ASB3: variants seen among roughly 807,000 people sequenced by gnomAD.
ASB3 encodes ankyrin repeat and SOCS box protein 3.
Under a neutral mutation model 54.5 loss-of-function variants are expected in ASB3, and 41 were observed. That is an observed-to-expected ratio of 0.75 (90% CI 0.59 to 0.98). ASB3 has a LOEUF of 0.98. ASB3 is among the 50% of genes least tolerant of loss of function. The pLI, the probability that ASB3 is intolerant of heterozygous loss-of-function variation, is 0.00. For missense variants in ASB3, 733 were observed against 620.0 expected (o/e 1.18, Z -1.94); for synonymous variants, 266 against 221.2 (o/e 1.20, Z -1.80).
chr2:53,740,417 T>G (rs1429684813), intron 3 of ASB3, among the ~76,000 whole-genome samples: 1 of 151,552 alleles, frequency 6.6e-6, no homozygotes, highest in Non-Finnish European at 1.5e-5. Context: ...GACAAAGGAA[T>G]TTTTTTTTCC....
chr2:53,686,263 T>A (rs1668625799), intron 9 of ASB3, among the ~76,000 whole-genome samples: 1 of 152,322 alleles, frequency 6.6e-6, no homozygotes, highest in Admixed American at 6.5e-5. Context: ...CTAAATTCTG[T>A]AATTCAGGCC....
At chr2:53,756,947 A>C (rs1672865546) in intron 2 of ASB3, 1 of 161,268 alleles carries the variant, frequency 6.2e-6, no homozygotes, top group South Asian at 1.9e-4. Context: ...AGCTGAACAG[A>C]GCTGTAACAC....
intron 6 of ASB3, 32 bp downstream of exon 6, chr2:53,716,534 G>T (rs1398096597): frequency 6.3e-7 from 1 of 1,597,292 alleles, no homozygotes; most frequent in Non-Finnish European, 8.5e-7. Flanking sequence ...TTGATTAAGA[G>T]ACCATGTTTA....
chr2:53,739,329 T>C (rs1188693016), intron 3 of ASB3, among the ~76,000 whole-genome samples: 1 of 152,132 alleles, frequency 6.6e-6, no homozygotes, highest in South Asian at 2.1e-4. Flanking sequence ...CAAAGCCCCA[T>C]GTGAAGATTT....
chr2:53,715,668 T>C (rs1210049308), intron 6 of ASB3, among the ~76,000 whole-genome samples: 2 of 152,140 alleles, frequency 1.3e-5, no homozygotes, highest in African/African-American at 4.8e-5. Flanking sequence ...TTAACTTTAA[T>C]AAATGTGTTT....
At chr2:53,752,634 C>T (rs978558264) in intron 2 of ASB3, among the ~76,000 whole-genome samples, 1 of 152,244 alleles carries the variant, frequency 6.6e-6, no homozygotes, top group African/African-American at 2.4e-5. Flanking sequence ...TGCACAATGA[C>T]CTGGGCAGCA....
chr2:53,704,456 T>C (rs1056479430), intron 7 of ASB3, among the ~76,000 whole-genome samples: 4 of 152,128 alleles, frequency 2.6e-5, no homozygotes, highest in African/African-American at 9.7e-5. Context: ...GTGACTGTAA[T>C]TAATTTAATT....
intron 6 of ASB3, 118 bp downstream of exon 6, chr2:53,716,448 G>A (rs1670396202): frequency 1.6e-6 from 2 of 1,280,326 alleles, no homozygotes; most frequent in African/African-American, 3.0e-5. Context: ...TCACCCAGCA[G>A]ATTGGTAGGG....
intron 5 of ASB3, among the ~76,000 whole-genome samples, chr2:53,726,257 A>ATT (rs35225840): frequency 0.014 from 1,860 of 135,464 alleles, 45 homozygotes; most frequent in African/African-American, 0.047. Flanking sequence ...TTTAATCTAA[A>ATT]TTTTTTTTTT....
intron 3 of ASB3, among the ~76,000 whole-genome samples, chr2:53,734,072 GCCAGGTGT>G (rs1433411266): frequency 6.6e-6 from 1 of 152,214 alleles, no homozygotes. Flanking sequence ...CCCTGGGTGG[GCCAGGTGT>G]CCCTTGCCCT....
At chr2:53,782,243 C>T (rs1308891804) in intron 1 of ASB3, among the ~76,000 whole-genome samples, 4 of 152,142 alleles carry the variant, frequency 2.6e-5, no homozygotes, top group Non-Finnish European at 5.9e-5. Context: ...TAAGCACATA[C>T]ATTTTCCTCC....
At position 53,781,273 on chromosome 2, in the gene ASB3, G is replaced by A. The variant is rs190298336; in HGVS notation, c.-14+5548C>T. ...AAAATACAAAAAAAATTAGCCAGGC[G>A]TGGTGGTGCACACCTGTAGTTCCAG... On this transcript the variant is annotated intron_variant, in intron 1 of 9. Coordinates refer to ENST00000263634, the MANE Select transcript of ASB3 (RefSeq NM_016115.5). 7.2e-3 allele frequency among the ~76,000 whole-genome samples: 1,096 copies of A among 152,010 alleles called. 12 individuals carry two copies. The highest frequency in any genetic ancestry group is 0.024 in the African/African-American group (1,010 of 41,454).
intron 3 of ASB3, among the ~76,000 whole-genome samples, chr2:53,731,441 C>T (rs1278618540): frequency 1.3e-5 from 2 of 152,048 alleles, no homozygotes; most frequent in Non-Finnish European, 2.9e-5. Context: ...AAAACCAAAA[C>T]TCTTACTCTG....
At chr2:53,700,178 C>A in intron 8 of ASB3, 93 bp downstream of exon 8, 1 of 1,525,348 alleles carries the variant, frequency 6.6e-7, no homozygotes, top group South Asian at 1.3e-5. Context: ...AACACAGATA[C>A]CCTTCTCCAA....
chr2:53,716,556 T>C lies in ASB3; in HGVS notation c.782+10A>G. Reference sequence around the variant, plus strand: ...AGAGACCATGTTTATTTTCTGTTTTTAACACTTACTTTGTATGGCCCATTT... The same window carrying C: ...AGAGACCATGTTTATTTTCTGTTTTCAACACTTACTTTGTATGGCCCATTT... On this transcript the variant is annotated intron_variant, in intron 6 of 9. Transcript: ENST00000263634. The C allele has an allele frequency of 1.2e-6, 2 of 1,607,782 alleles. No individual in the cohort carries two copies. Among genetic ancestry groups the C allele is most frequent in the Non-Finnish European group, 8.5e-7 (1 of 1,175,762 alleles).
At chr2:53,689,465 A>G (rs1558517864) in intron 9 of ASB3, among the ~76,000 whole-genome samples, 2 of 152,228 alleles carry the variant, frequency 1.3e-5, no homozygotes, top group Non-Finnish European at 1.5e-5. Context: ...TTATTATCCT[A>G]AACTAGAAAT....
chr2:53,783,319 C>T (rs1248708328), intron 1 of ASB3, among the ~76,000 whole-genome samples: 1 of 152,110 alleles, frequency 6.6e-6, no homozygotes, highest in Non-Finnish European at 1.5e-5. Context: ...AGGAAATGGA[C>T]CTCTTGGATT....
At chr2:53,732,819 T>A (rs1448896688) in intron 3 of ASB3, among the ~76,000 whole-genome samples, 1 of 152,238 alleles carries the variant, frequency 6.6e-6, no homozygotes, top group Non-Finnish European at 1.5e-5. Context: ...AAATCGTGGT[T>A]TAGAAAAGTG....
intron 8 of ASB3, among the ~76,000 whole-genome samples, chr2:53,695,597 A>C (rs941410994): frequency 9.2e-5 from 14 of 152,126 alleles, no homozygotes; most frequent in Non-Finnish European, 4.4e-5. Context: ...ATGACAAGTA[A>C]ATCTGTTTGC....
Sources: gnomAD v4.1 joint callset for allele counts (sites outside exome capture counted in the v4.1 genomes callset) on GRCh38, gnomAD v4.1.1 for gene constraint, MANE v1.5 for transcripts, NCBI Gene and HGNC (gene_info 2026-07-23, HGNC 2026-07-21) for gene names.